PCDHGB3: variants seen among roughly 807,000 people sequenced by gnomAD.
The protein encoded by PCDHGB3 is protocadherin gamma subfamily B, 3, also known as protocadherin gamma-B3.
A neutral mutation model predicts 59.2 loss-of-function variants in PCDHGB3; 40 were observed. The ratio of observed to expected loss-of-function variants is 0.68; its 90% confidence interval spans 0.52 to 0.88. The LOEUF (loss-of-function observed/expected upper bound fraction) is 0.88. Among genes scored for constraint, PCDHGB3 ranks in the 40% least tolerant of loss-of-function variants. The pLI is 0.00. For synonymous variants in PCDHGB3, 581 were observed against 503.6 expected (o/e 1.15, Z -2.06); for missense variants, 1,309 against 1,187.9 (o/e 1.10, Z -1.50).
intron 1 of PCDHGB3, chr5:141,383,576 C>T (rs1298305290): frequency 6.2e-7 from 1 of 1,613,446 alleles, no homozygotes; most frequent in Non-Finnish European, 8.5e-7. Flanking sequence ...TCCAGCACCG[C>T]CCACATCCAG....
chr5:141,383,304 G>T (rs1779007855), intron 1 of PCDHGB3: 1 of 1,613,800 alleles, frequency 6.2e-7, no homozygotes. Context: ...GATTCTTGAC[G>T]GAAGAAATAA....
Position 141,491,897 on chromosome 5 carries a change from C to G in PCDHGB3, c.2416-2910C>G. The stretch of plus-strand genomic sequence containing the variant: ...GATTAAGGGATGGGGCTCCGAGCAC[C>G]GGGGGTGGTGGCGACTGTGGGCGAG... On this transcript the variant is annotated intron_variant, in intron 1 of 3. Transcript: ENST00000576222. This position sits in a 1 kb window ranked among gnomAD's most constrained non-coding sequence, Gnocchi z 6.9. 7 of 1,432,534 alleles carry G rather than the reference C, an allele frequency of 4.9e-6. No homozygotes were observed. The highest frequency in any genetic ancestry group is 6.5e-6 in the Non-Finnish European group (7 of 1,082,898). 88.7% of individuals were successfully genotyped at this position (1,432,534 alleles called of 1,614,324 possible).
chr5:141,420,394 C>A, intron 1 of PCDHGB3: 2 of 1,260,296 alleles, frequency 1.6e-6, no homozygotes, highest in Non-Finnish European at 2.1e-6. Flanking sequence ...AAATATAGGT[C>A]AAATTTATGG....
intron 1 of PCDHGB3, chr5:141,375,000 A>AC (rs1771024393): frequency 6.2e-7 from 1 of 1,613,928 alleles, no homozygotes; most frequent in Non-Finnish European, 8.5e-7. Context: ...ACTTCTGCAA[A>AC]TCTAGACTAT....
intron 1 of PCDHGB3, chr5:141,423,023 C>G (rs1410040994): frequency 6.2e-7 from 1 of 1,614,222 alleles, no homozygotes; most frequent in Non-Finnish European, 8.5e-7. Context: ...GACAAAGATT[C>G]AGGCCAGAAC....
At chr5:141,459,136 T>C (rs1044347522) in intron 1 of PCDHGB3, among the ~76,000 whole-genome samples, 2 of 152,224 alleles carry the variant, frequency 1.3e-5, no homozygotes, top group Non-Finnish European at 2.9e-5. Context: ...GTAACCACCA[T>C]GCAATCAAAA....
rs749937052 is a variant in PCDHGB3, at chr5:141,490,441, G to A, written c.2416-4366G>A. ...CCTGCCATTTCAGATTAAGCCTTCT[G>A]AGAACCACTACTCGCTGCTAACCAG... On this transcript the variant is annotated intron_variant, in intron 1 of 3. Coordinates refer to ENST00000576222, the MANE Select transcript of PCDHGB3 (RefSeq NM_018924.5). The surrounding 1 kb of genome is among the most constrained non-coding windows in gnomAD (Gnocchi z 5.4). The A allele has an allele frequency of 9.3e-6, 15 of 1,614,208 alleles. No homozygotes were observed. The highest frequency in any genetic ancestry group is 1.2e-5 in the Non-Finnish European group (14 of 1,180,042).
intron 1 of PCDHGB3, chr5:141,418,211 C>T (rs752988020): frequency 1.2e-6 from 2 of 1,613,916 alleles, no homozygotes; most frequent in East Asian, 4.5e-5. Context: ...AAATATTTTT[C>T]ATGTCATTGT....
chr5:141,390,429 T>C lies in PCDHGB3; in HGVS notation c.2415+17620T>C, dbSNP rs2092145009. On this transcript the variant is annotated intron_variant, in intron 1 of 3. Transcript: ENST00000576222. ...GTTGTAGTCAGTTAAAAAGCTGTCA[T>C]ATCATTCTACAAAGGAGGAGTAAAG... The C allele has an allele frequency of 6.0e-6, 6 of 1,008,304 alleles. No homozygotes were observed. The South Asian group carries it at 6.8e-5, about 11-fold the overall frequency. The allele number at this position is 1,008,304 out of a possible 1,614,324, so 62.5% of individuals were successfully genotyped here. A position where few individuals can be genotyped will look rare whatever the true frequency, so the allele number is the denominator to read the frequency against.
At chr5:141,415,476 G>A (rs765634887) in intron 1 of PCDHGB3, 1 of 1,614,076 alleles carries the variant, frequency 6.2e-7, no homozygotes. Context: ...CCGCGGACTC[G>A]CGAAAGAGTC....
Position 141,428,007 on chromosome 5 carries a change from A to T in PCDHGB3, c.2415+55198A>T, listed in dbSNP as rs770851074. 9.4e-6 allele frequency: 15 copies of T among 1,602,018 alleles called. No individual in the cohort carries two copies. In the African/African-American group the frequency reaches 1.5e-4, roughly 16 times the overall value. ...GCCCGATGGCTCCGCACTCTTCGAT[A>T]TAGTGCCACGCGCCGCAGAGTCCGG... On this transcript the variant is annotated intron_variant, in intron 1 of 3. Coordinates refer to ENST00000576222, the MANE Select transcript of PCDHGB3 (RefSeq NM_018924.5).
chr5:141,395,248 T>G lies in PCDHGB3; in HGVS notation c.2415+22439T>G, dbSNP rs1300416039. The G allele has an allele frequency of 4.5e-6, 7 of 1,561,360 alleles. No individual in the cohort carries two copies. In the Admixed American group the frequency reaches 1.4e-4, roughly 31 times the overall value. On this transcript the variant is annotated intron_variant, in intron 1 of 3. Transcript: ENST00000576222. ...GCTGATCATGGTCAGGTGAGTTTAG[T>G]TCTTTGCTTGCTTTTAATTTCCAGA...
At chr5:141,450,730 G>A (rs1046738914) in intron 1 of PCDHGB3, among the ~76,000 whole-genome samples, 10 of 152,024 alleles carry the variant, frequency 6.6e-5, no homozygotes, top group Non-Finnish European at 1.2e-4. Flanking sequence ...CAGGTGATCC[G>A]CCCGCCTTGG....
intron 1 of PCDHGB3, chr5:141,424,160 CATCT>C (rs1554117117): frequency 1.5e-5 from 4 of 273,202 alleles, no homozygotes; most frequent in South Asian, 1.4e-4. Flanking sequence ...CTCTCCTTCT[CATCT>C]ATCTATCTAT....
intron 1 of PCDHGB3, chr5:141,475,848 C>T (rs1562050268): frequency 4.4e-6 from 2 of 451,496 alleles, no homozygotes; most frequent in Non-Finnish European, 7.9e-6. Context: ...TCAGAGAGCC[C>T]GGCGCTAGCT....
At position 141,384,387 on chromosome 5, in the gene PCDHGB3, C is replaced by T. The variant is rs774707320; in HGVS notation, c.2415+11578C>T. The T allele has an allele frequency of 3.1e-6, 5 of 1,613,950 alleles. No homozygotes were observed. The South Asian group carries it at 5.5e-5, about 18-fold the overall frequency. On this transcript the variant is annotated intron_variant, in intron 1 of 3. Transcript: ENST00000576222. ...CTTATTCCTTGGCCGAAGACACCATCCAGGGGGCTCCAGTGTCCTCCTATG... is the reference window on the plus strand; with the variant it reads ...CTTATTCCTTGGCCGAAGACACCATTCAGGGGGCTCCAGTGTCCTCCTATG...
chr5:141,463,446 T>TC, intron 1 of PCDHGB3, among the ~76,000 whole-genome samples: 1 of 125,012 alleles, frequency 8.0e-6, no homozygotes, highest in Non-Finnish European at 1.7e-5. Flanking sequence ...TCCTTTTTTT[T>TC]TTTTTTTTTT....
chr5:141,451,597 C>A (rs2098719892), intron 1 of PCDHGB3, among the ~76,000 whole-genome samples: 1 of 152,076 alleles, frequency 6.6e-6, no homozygotes, highest in Admixed American at 6.6e-5. Context: ...AAGTGACATA[C>A]AAGGCTAGGC....
chr5:141,414,864 G>A (rs766848727), intron 1 of PCDHGB3: 2 of 1,614,174 alleles, frequency 1.2e-6, no homozygotes, highest in South Asian at 2.2e-5. Context: ...ACGACAATGC[G>A]CCCGAGATCC....
Sources: gnomAD v4.1 joint callset for allele counts (sites outside exome capture counted in the v4.1 genomes callset) on GRCh38, gnomAD v4.1.1 for gene constraint, Gnocchi (gnomAD v3.1) non-coding constraint, MANE v1.5 for transcripts, NCBI Gene and HGNC (gene_info 2026-07-23, HGNC 2026-07-21) for gene names.